PEAK1: variants seen among roughly 807,000 people sequenced by gnomAD.
PEAK1 encodes the protein inactive tyrosine-protein kinase PEAK1.
A neutral mutation model predicts 124.7 loss-of-function variants in PEAK1; 54 were observed. That is an observed-to-expected ratio of 0.43 (90% CI 0.35 to 0.54). The LOEUF (loss-of-function observed/expected upper bound fraction) is 0.54, where lower values mean the gene tolerates loss of function less well. PEAK1 is among the 20% of genes least tolerant of loss of function. PEAK1 has a pLI of 0.01. For missense variants in PEAK1, 2,046 were observed against 2,134.5 expected (o/e 0.96, Z 0.82); for synonymous variants, 719 against 760.0 (o/e 0.95, Z 0.89).
At chr15:77,308,090 G>A (rs1408325109) in intron 2 of PEAK1, among the ~76,000 whole-genome samples, 1 of 151,944 alleles carries the variant, frequency 6.6e-6, no homozygotes, top group Non-Finnish European at 1.5e-5. Flanking sequence ...GAATTAACAC[G>A]GCACAATTGA....
rs144677164 is a variant in PEAK1 at position 77,304,471 on chromosome 15, C to T, written c.-602-17967G>A. ...TTTTTTTTTTTTTTTTTTTTTGAGA[C>T]GGAGTCTCGCTCTGTCTCCCAGGCT... is the stretch of plus-strand genomic sequence containing the variant. On this transcript the variant is annotated intron_variant, in intron 2 of 9. Coordinates refer to ENST00000682557, the MANE Select transcript of PEAK1 (RefSeq NM_001385026.1). Among the ~76,000 whole-genome samples, 40 of 105,750 alleles carry T rather than the reference C, an allele frequency of 3.8e-4. No homozygotes were observed. In the East Asian group the frequency reaches 1.0e-2, roughly 26 times the overall value. 69.4% of individuals were successfully genotyped at this position (105,750 alleles called of 152,430 possible).
intron 2 of PEAK1, among the ~76,000 whole-genome samples, chr15:77,361,188 C>T (rs566499684): frequency 6.6e-6 from 1 of 152,092 alleles, no homozygotes; most frequent in Non-Finnish European, 1.5e-5. Context: ...CAAAAAAAAT[C>T]TGATTTAAAA....
At chr15:77,213,909 C>T (rs2059022463) in intron 6 of PEAK1, among the ~76,000 whole-genome samples, 1 of 152,118 alleles carries the variant, frequency 6.6e-6, no homozygotes, top group Admixed American at 6.5e-5. Flanking sequence ...CAAAAAGTGT[C>T]CTTGTGTCCC....
intron 6 of PEAK1, among the ~76,000 whole-genome samples, chr15:77,190,195 T>C (rs1012202806): frequency 6.6e-6 from 1 of 152,202 alleles, no homozygotes; most frequent in African/African-American, 2.4e-5. Flanking sequence ...CAATACATAC[T>C]GTAAAACATT....
intron 2 of PEAK1, among the ~76,000 whole-genome samples, chr15:77,344,180 C>T (rs987792945): frequency 1.4e-4 from 22 of 152,144 alleles, no homozygotes; most frequent in Admixed American, 3.9e-4. Flanking sequence ...CTGCAAGCTC[C>T]GCCTCCCGGG....
intron 1 of PEAK1, among the ~76,000 whole-genome samples, chr15:77,407,956 CAT>C (rs1285817516): frequency 1.1e-4 from 9 of 81,550 alleles, no homozygotes; most frequent in Non-Finnish European, 3.0e-4. Context: ...CATATACACA[CAT>C]ATATACACAT....
At chr15:77,393,418 C>A (rs1165670200) in intron 1 of PEAK1, among the ~76,000 whole-genome samples, 2 of 152,156 alleles carry the variant, frequency 1.3e-5, no homozygotes, top group Admixed American at 1.3e-4. Context: ...GTAAAGAGGA[C>A]TTTGTCTTGC....
chr15:77,143,734 G>C (rs1285743774), intron 8 of PEAK1, among the ~76,000 whole-genome samples: 1 of 152,052 alleles, frequency 6.6e-6, no homozygotes, highest in African/African-American at 2.4e-5. Context: ...GACCTTTCTT[G>C]GGCCCTCAGA....
chr15:77,140,368 A>G (rs1480452452), intron 8 of PEAK1, among the ~76,000 whole-genome samples: 2 of 152,210 alleles, frequency 1.3e-5, no homozygotes, highest in Non-Finnish European at 2.9e-5. Context: ...GAATCCAGCA[A>G]CATATAAAAA....
intron 2 of PEAK1, chr15:77,337,233 C>T (rs936371396): frequency 4.3e-5 from 42 of 984,032 alleles, no homozygotes; most frequent in African/African-American, 8.8e-5. Context: ...CAAGATAATA[C>T]AGACATGAAA....
At chr15:77,373,670 G>GA (rs1282461442) in intron 1 of PEAK1, among the ~76,000 whole-genome samples, 3 of 152,172 alleles carry the variant, frequency 2.0e-5, no homozygotes, top group Admixed American at 6.5e-5. Context: ...TCAAGATCGT[G>GA]ATCCAGTGCT....
intron 2 of PEAK1, chr15:77,350,453 A>G (rs1367794524): frequency 4.1e-6 from 4 of 985,280 alleles, no homozygotes; most frequent in Admixed American, 1.2e-4. Flanking sequence ...CTGAATTAAG[A>G]TAGTGTATAT....
At chr15:77,150,764 T>C (rs573809986) in intron 8 of PEAK1, among the ~76,000 whole-genome samples, 5 of 150,914 alleles carry the variant, frequency 3.3e-5, no homozygotes, top group East Asian at 3.9e-4. Flanking sequence ...CATGTGGTGT[T>C]TGGTATTTTG....
chr15:77,238,037 G>C (rs1455678825), intron 6 of PEAK1, among the ~76,000 whole-genome samples: 1 of 152,006 alleles, frequency 6.6e-6, no homozygotes, highest in Non-Finnish European at 1.5e-5. Flanking sequence ...TATAGCTTCT[G>C]TATTTTCTTT....
chr15:77,313,690 G>GTA (rs1303276035), intron 2 of PEAK1, among the ~76,000 whole-genome samples: 40 of 122,634 alleles, frequency 3.3e-4, no homozygotes, highest in African/African-American at 1.2e-3. Flanking sequence ...GTGTGTGTGT[G>GTA]TGTATATATA....
rs78692794 is a variant in PEAK1 at position 77,379,215 on chromosome 15, T to C, written c.-665-13990A>G. ...GTAGTTGAATACCATATATTTCAAATAGAAACTCAAAAATCTGGGGATGTC... is the reference window on the plus strand; with the variant it reads ...GTAGTTGAATACCATATATTTCAAACAGAAACTCAAAAATCTGGGGATGTC... On this transcript the variant is annotated intron_variant, in intron 1 of 9. Coordinates refer to ENST00000682557, the MANE Select transcript of PEAK1 (RefSeq NM_001385026.1). Among the ~76,000 whole-genome samples, 1,106 of 152,288 alleles carry C rather than the reference T, an allele frequency of 7.3e-3. 15 individuals carry two copies. The highest frequency in any genetic ancestry group is 0.025 in the African/African-American group (1,049 of 41,556).
At chr15:77,199,314 G>A (rs2058251936) in intron 6 of PEAK1, among the ~76,000 whole-genome samples, 1 of 152,182 alleles carries the variant, frequency 6.6e-6, no homozygotes, top group African/African-American at 2.4e-5. Context: ...AATACCATGA[G>A]TTCAACACTG....
Position 77,180,401 on chromosome 15 carries a change from A to G in PEAK1, c.1526T>C (p.Val509Ala). ...TCCTGGTGTCAATGAAGATGATGTAACTGGAGAGTTTGGAGTAGAGGATGA... is the reference window on the plus strand; with the variant it reads ...TCCTGGTGTCAATGAAGATGATGTAGCTGGAGAGTTTGGAGTAGAGGATGA... ...KSSSSTPNSP[V>A]TSSSLTPGQI... The change falls in exon 7 of 10, where the codon GTT becomes GCT. Residue 509 changes from valine to alanine, a missense_variant. By Grantham distance (64) the Val-to-Ala change is moderately conservative. Coordinates refer to ENST00000682557, the MANE Select transcript of PEAK1 (RefSeq NM_001385026.1). The G allele has an allele frequency of 3.1e-6, 5 of 1,614,074 alleles. No homozygotes were observed. Among genetic ancestry groups the G allele is most frequent in the Non-Finnish European group, 4.2e-6 (5 of 1,180,004 alleles).
In PEAK1 at chr15:77,276,272, A is replaced by G. The variant is rs908029438; in HGVS notation, c.-275+7611T>C. On this transcript the variant is annotated intron_variant, in intron 5 of 9. Coordinates refer to ENST00000682557, the MANE Select transcript of PEAK1 (RefSeq NM_001385026.1). ...CCCCAAACAGTGTAAACCCCAAATC[A>G]ATCCAGGCCAAAACACATCAAAGTC... 1.2e-4 allele frequency among the ~76,000 whole-genome samples: 19 copies of G among 152,196 alleles called. 1 individual carries two copies. Among genetic ancestry groups the G allele is most frequent in the African/African-American group, 4.6e-4 (19 of 41,466 alleles).
Sources: gnomAD v4.1 joint callset for allele counts (sites outside exome capture counted in the v4.1 genomes callset) on GRCh38, gnomAD v4.1.1 for gene constraint, MANE v1.5 for transcripts, NCBI Gene and HGNC (gene_info 2026-07-23, HGNC 2026-07-21) for gene names.